The following HERC1 variants were observed in gnomAD, a reference collection of about 807,000 sequenced individuals.
HERC1 encodes probable E3 ubiquitin-protein ligase HERC1.
In HERC1, 160 loss-of-function variants were observed where a neutral mutation model predicts 554.3. That is an observed-to-expected ratio of 0.29 (90% confidence interval 0.25 to 0.33). HERC1 has a LOEUF of 0.33. Among genes scored for constraint, HERC1 ranks in the 10% least tolerant of loss-of-function variants. HERC1 has a pLI of 1.00. For synonymous variants in HERC1, 2,175 were observed against 2,131.7 expected (o/e 1.02, Z -0.56); for missense variants, 4,919 against 5,918.5 (o/e 0.83, Z 5.54).
At chr15:63,760,631 A>G (rs769651590) in intron 3 of HERC1, among the ~76,000 whole-genome samples, 28 of 151,976 alleles carry the variant, frequency 1.8e-4, no homozygotes, top group Non-Finnish European at 2.8e-4. Flanking sequence ...GACAAAAAGC[A>G]TTTTTAGAAA....
chr15:63,749,138 G>A lies in HERC1; in HGVS notation c.2219+229C>T, dbSNP rs1183115406. Reference sequence around the variant, plus strand: ...GAACTCAAAATGTTTAAAAGACAATGTCTTAAATACTGGGTATGACTTCTT... The same window carrying A: ...GAACTCAAAATGTTTAAAAGACAATATCTTAAATACTGGGTATGACTTCTT... On this transcript the variant is annotated intron_variant, in intron 10 of 77. Transcript: ENST00000443617. The surrounding 1 kb of genome is among the most constrained non-coding windows in gnomAD (Gnocchi z 4.1). 6.6e-6 allele frequency among the ~76,000 whole-genome samples: 1 copy of A among 152,080 alleles called. No individual in the cohort carries two copies. Among genetic ancestry groups the A allele is most frequent in the Non-Finnish European group, 1.5e-5 (1 of 68,000 alleles).
chr15:63,656,441 A>C (rs776405329), intron 48 of HERC1, 83 bp from the exon 49 acceptor site: 135 of 1,176,534 alleles, frequency 1.1e-4, no homozygotes, highest in South Asian at 1.6e-4. Context: ...TAACATTCAC[A>C]GCATCAACAA....
chr15:63,744,939 C>T (rs1198695106), intron 12 of HERC1, among the ~76,000 whole-genome samples: 4 of 152,196 alleles, frequency 2.6e-5, no homozygotes, highest in African/African-American at 9.7e-5. Context: ...TGGTTATTCA[C>T]AGCCCATGGG....
rs747583985 is a variant in HERC1 at position 63,756,734 on chromosome 15, C to T, written c.1236G>A (p.Gln412=). 14 of 1,598,436 alleles carry T rather than the reference C, an allele frequency of 8.8e-6. No individual in the cohort carries two copies. The highest frequency in any genetic ancestry group is 1.0e-5 in the Non-Finnish European group (12 of 1,171,402). The change falls in exon 5 of 78, where the codon CAG becomes CAA. Residue 412 remains glutamine (Q), a synonymous_variant. Transcript: ENST00000443617. The surrounding 1 kb of genome is among the most constrained non-coding windows in gnomAD (Gnocchi z 5.0). ...CCGTAGAAATGACAAAAGTGCAGTACTGTCCAGCTTCAATCTATAAACAAA... is the reference window on the plus strand; with the variant it reads ...CCGTAGAAATGACAAAAGTGCAGTATTGTCCAGCTTCAATCTATAAACAAA... The part of the protein sequence containing the change: ...FSDAQTIEAG[Q]YCTFVISTDG...
intron 1 of HERC1, among the ~76,000 whole-genome samples, chr15:63,821,726 C>CAAAAAAAAAAAAAAAAAAAA (rs35074987): frequency 3.2e-5 from 2 of 62,470 alleles, no homozygotes; most frequent in African/African-American, 7.0e-5. Flanking sequence ...TACCCTGTCT[C>CAAAAAAAAAAAAAAAAAAAA]AAAAAAAAAA....
chr15:63,826,784 TAAAAAAAAAAAAAAAAAA>T lies in HERC1; in HGVS notation c.-27+7025_-27+7042del, dbSNP rs71456333. ...TATTCTTTTAATCACTTATCTCTGGTAAAAAAAAAAAAAAAAAAAAAAAAAAAAAAATATATATATATA... is the reference window on the plus strand; with the variant it reads ...TATTCTTTTAATCACTTATCTCTGGTAAAAAAAAAAAAATATATATATATA... On this transcript the variant is annotated intron_variant, in intron 1 of 77. Transcript: ENST00000443617. Among the ~76,000 whole-genome samples the T allele has an allele frequency of 3.0e-4, 11 of 37,110 alleles. 1 individual carries two copies. The highest frequency in any genetic ancestry group is 7.8e-4 in the African/African-American group (9 of 11,500). The allele number at this position is 37,110 out of a possible 152,430, so 24.3% of individuals were successfully genotyped here.
At chr15:63,752,032 A>G (rs184287644) in intron 8 of HERC1, among the ~76,000 whole-genome samples, 1 of 152,232 alleles carries the variant, frequency 6.6e-6, no homozygotes, top group Non-Finnish European at 1.5e-5. Flanking sequence ...TACATCAAAT[A>G]CATAAGCATC....
chr15:63,694,966 AT>A lies in HERC1; in HGVS notation c.5122-73del. The A allele has an allele frequency of 7.2e-7, 1 of 1,389,180 alleles. No homozygotes were observed. The highest frequency in any genetic ancestry group is 9.8e-7 in the Non-Finnish European group (1 of 1,017,622). 86.1% of individuals were successfully genotyped at this position (1,389,180 alleles called of 1,614,324 possible). On this transcript the variant is annotated intron_variant, in intron 27 of 77. Transcript: ENST00000443617. This position sits in a 1 kb window ranked among gnomAD's most constrained non-coding sequence, Gnocchi z 4.3. ...CCTGCTTGCAAAAAGAAGTAATAAC[AT>A]TTTATTTCTAGTCTATGCTAGAGCC...
At chr15:63,711,481 A>C (rs778607295) in intron 24 of HERC1, among the ~76,000 whole-genome samples, 1 of 152,176 alleles carries the variant, frequency 6.6e-6, no homozygotes, top group Non-Finnish European at 1.5e-5. Context: ...GATGAAGGAG[A>C]AAAGGAGGAA....
intron 1 of HERC1, among the ~76,000 whole-genome samples, chr15:63,826,793 AAAAAAAAAAAAAAAAAAAAAAATAT>A (rs1353739312): frequency 3.9e-5 from 2 of 51,870 alleles, no homozygotes; most frequent in African/African-American, 1.6e-4. Flanking sequence ...GTAAAAAAAA[AAAAAAAAAAAAAAAAAAAAAAATAT>A]ATATATATAT....
In HERC1 at chr15:63,775,281, A is replaced by G. The variant is rs1466665088; in HGVS notation, c.343T>C (p.Tyr115His). ...TCATGGTATTTATTAGAAAGTGCAT[A>G]AAAGACACGCTGGAGTACAAGCAGT... ...KRLLVLQRVF[Y>H]ALSNKYHDKG... The change falls in exon 2 of 78, where the codon TAT becomes CAT. Residue 115 changes from tyrosine to histidine, a missense_variant. Tyr to His is a moderately conservative substitution (Grantham distance 83). Around this residue, in one of 11 missense-constraint regions of HERC1, gnomAD observed 744 missense variants for 1,090.0 expected, o/e 0.68. Coordinates refer to ENST00000443617, the MANE Select transcript of HERC1 (RefSeq NM_003922.4). The surrounding 1 kb of genome is among the most constrained non-coding windows in gnomAD (Gnocchi z 4.0). 1.2e-6 allele frequency: 2 copies of G among 1,613,896 alleles called. No homozygotes were observed. The highest frequency in any genetic ancestry group is 1.1e-5 in the South Asian group (1 of 91,090).
chr15:63,822,897 T>C (rs772174063), intron 1 of HERC1, among the ~76,000 whole-genome samples: 3 of 152,206 alleles, frequency 2.0e-5, no homozygotes, highest in African/African-American at 7.2e-5. Context: ...AGGAGAATCA[T>C]AGATCACTTA....
rs2067656858 is a variant in HERC1 at position 63,612,736 on chromosome 15, C to T, written c.14095-180G>A. ...AGGCCCACCCTCCCTGCCTCTCAAC[C>T]CTTGTTAGAGTGCCTCCCTGCTGTG... On this transcript the variant is annotated intron_variant, in intron 76 of 77. Coordinates refer to ENST00000443617, the MANE Select transcript of HERC1 (RefSeq NM_003922.4). This position sits in a 1 kb window ranked among gnomAD's most constrained non-coding sequence, Gnocchi z 5.0. 6.6e-6 allele frequency among the ~76,000 whole-genome samples: 1 copy of T among 152,214 alleles called. No individual in the cohort carries two copies. The highest frequency in any genetic ancestry group is 6.5e-5 in the Admixed American group (1 of 15,272).
rs970831444 is a variant in HERC1, at chr15:63,734,282, C to T, written c.2646+442G>A. 6.6e-6 allele frequency among the ~76,000 whole-genome samples: 1 copy of T among 152,092 alleles called. No homozygotes were observed. The highest frequency in any genetic ancestry group is 2.4e-5 in the African/African-American group (1 of 41,414). ...ATCTGATAACTTCTACTTGGTTGAG[C>T]AAAATGTACTATTTTAAGGTATATA... On this transcript the variant is annotated intron_variant, in intron 13 of 77. Transcript: ENST00000443617. The surrounding 1 kb of genome is among the most constrained non-coding windows in gnomAD (Gnocchi z 4.6).
At chr15:63,676,115 C>T (rs1281649168) in intron 37 of HERC1, among the ~76,000 whole-genome samples, 5 of 151,930 alleles carry the variant, frequency 3.3e-5, no homozygotes, top group Admixed American at 6.6e-5. Context: ...GTGGCCAGGC[C>T]GGTCTCAAAC....
At chr15:63,717,356 GAA>G (rs1567046785) in intron 21 of HERC1, among the ~76,000 whole-genome samples, 1 of 152,176 alleles carries the variant, frequency 6.6e-6, no homozygotes, top group Non-Finnish European at 1.5e-5. Flanking sequence ...CAAATGGAGA[GAA>G]AGAGTTTGGT....
At position 63,608,801 on chromosome 15, in the gene HERC1, T is replaced by C. The variant is rs2067473306; in HGVS notation, c.*280A>G. 3.8e-6 allele frequency: 1 copy of C among 265,940 alleles called. No homozygotes were observed. Among genetic ancestry groups the C allele is most frequent in the Non-Finnish European group, 7.1e-6 (1 of 140,440 alleles). 16.5% of individuals were successfully genotyped at this position (265,940 alleles called of 1,614,324 possible). A position where few individuals can be genotyped will look rare whatever the true frequency, so the allele number is the denominator to read the frequency against. ...AAAATGTACCATTCCCAACTAAAAATGCACCAAAATGGTTTCATGCAAACT... is the reference window on the plus strand; with the variant it reads ...AAAATGTACCATTCCCAACTAAAAACGCACCAAAATGGTTTCATGCAAACT... On this transcript the variant is annotated 3_prime_UTR_variant, in exon 78 of 78. Coordinates refer to ENST00000443617, the MANE Select transcript of HERC1 (RefSeq NM_003922.4).
rs2071408899 is a variant in HERC1 at position 63,680,226 on chromosome 15, A to T, written c.6466-66T>A. The stretch of plus-strand genomic sequence containing the variant: ...AAATTTTTTTAATTCACAATATCTA[A>T]CCACATTAGAATTGAAAGCTTTTAT... On this transcript the variant is annotated intron_variant, in intron 35 of 77. Transcript: ENST00000443617. The surrounding 1 kb of genome is among the most constrained non-coding windows in gnomAD (Gnocchi z 5.8). 6 of 1,201,462 alleles carry T rather than the reference A, an allele frequency of 5.0e-6. No individual in the cohort carries two copies. The highest frequency in any genetic ancestry group is 7.3e-6 in the Non-Finnish European group (6 of 825,084). The allele number at this position is 1,201,462 out of a possible 1,614,324, so 74.4% of individuals were successfully genotyped here. A position where few individuals can be genotyped will look rare whatever the true frequency, so the allele number is the denominator to read the frequency against.
intron 2 of HERC1, among the ~76,000 whole-genome samples, chr15:63,766,172 T>C (rs1380277858): frequency 6.6e-6 from 1 of 151,778 alleles, no homozygotes; most frequent in Non-Finnish European, 1.5e-5. Context: ...AATGTATTTA[T>C]ACTATTAATA....
Sources: allele counts gnomAD v4.1 joint callset (sites outside exome capture counted in the v4.1 genomes callset), GRCh38; gene constraint gnomAD v4.1.1; regional missense constraint gnomAD v4.1.1; non-coding constraint Gnocchi (gnomAD v3.1); transcripts MANE v1.5; gene names NCBI Gene and HGNC (gene_info 2026-07-23, HGNC 2026-07-21).